The following NUCB1 variants were observed in gnomAD, a reference collection of about 807,000 sequenced individuals.
The protein encoded by NUCB1 is nucleobindin-1.
Under a neutral mutation model 61.2 loss-of-function variants are expected in NUCB1, and 47 were observed. The ratio of observed to expected loss-of-function variants is 0.77; its 90% CI spans 0.61 to 0.98. NUCB1 has a LOEUF of 0.98. Among genes scored for constraint, NUCB1 ranks in the 50% least tolerant of loss-of-function variants. NUCB1 has a pLI of 0.00. For missense variants in NUCB1, 583 were observed against 605.3 expected, an observed-to-expected ratio of 0.96 and a Z score of 0.39; for synonymous variants, 234 against 243.1, an observed-to-expected ratio of 0.96 and a Z score of 0.35.
intron 4 of NUCB1, among the ~76,000 whole-genome samples, chr19:48,909,538 C>T (rs924373192): frequency 2.0e-5 from 3 of 151,704 alleles, no homozygotes; most frequent in East Asian, 1.9e-4. Flanking sequence ...TGAGCCACCG[C>T]GCCCGGCCTA....
chr19:48,901,346 T>C (rs2037351549), intron 2 of NUCB1, among the ~76,000 whole-genome samples: 1 of 152,198 alleles, frequency 6.6e-6, no homozygotes, highest in South Asian at 2.1e-4. Context: ...TGCTTGTTTA[T>C]TAATTCCTAC....
At chr19:48,913,660 G>A in intron 7 of NUCB1, 96 bp downstream of exon 7, 1 of 998,230 alleles carries the variant, frequency 1.0e-6, no homozygotes, top group Non-Finnish European at 1.6e-6. Flanking sequence ...TCCCAGGAGG[G>A]CTTAGTCAGG....
At chr19:48,920,798 C>T (rs1163727008) in intron 10 of NUCB1, among the ~76,000 whole-genome samples, 1 of 152,104 alleles carries the variant, frequency 6.6e-6, no homozygotes, top group Non-Finnish European at 1.5e-5. Context: ...GCTGGGATTA[C>T]AGGTGTGAGC....
At chr19:48,913,586 A>G (rs1199275516) in intron 7 of NUCB1, 22 bp downstream of exon 7, 4 of 1,592,480 alleles carry the variant, frequency 2.5e-6, no homozygotes, top group Non-Finnish European at 3.4e-6. Flanking sequence ...AGGGAGTTCC[A>G]GAGCCAGGAT....
intron 12 of NUCB1, 97 bp downstream of exon 12, chr19:48,922,029 G>A: frequency 1.0e-6 from 1 of 977,256 alleles, no homozygotes; most frequent in Non-Finnish European, 1.5e-6. Flanking sequence ...TGAGGGAAGA[G>A]GGACTGGGGG....
At chr19:48,903,442 A>ATGGG (rs2037373902) in intron 2 of NUCB1, among the ~76,000 whole-genome samples, 1 of 64,412 alleles carries the variant, frequency 1.6e-5, no homozygotes, top group Non-Finnish European at 2.7e-5. Context: ...GAGTGGATGG[A>ATGGG]TGGATGGATG....
chr19:48,921,374 G>T, intron 11 of NUCB1, 50 bp downstream of exon 11: 1 of 1,545,066 alleles, frequency 6.5e-7, no homozygotes, highest in Non-Finnish European at 8.8e-7. Flanking sequence ...GGCTGCCCGT[G>T]TCCGTGTCCC....
In NUCB1 at chr19:48,904,447, A is replaced by T; in HGVS notation, c.236A>T (p.Asp79Val). The change falls in exon 3 of 13, where the codon GAC (aspartate) becomes GTC (valine). Residue 79 changes from aspartate (D) to valine (V), a missense_variant. By Grantham distance (152) the Asp-to-Val change is radical. Transcript: ENST00000405315. ...REKLQAANAE[D>V]IKSGKLSREL... ...AAGCTGCAGGCTGCCAATGCGGAGG[A>T]CATCAAGGTGCGGCTGGGGGAGTGG... The T allele has an allele frequency of 1.2e-6, 2 of 1,611,246 alleles. No homozygotes were observed. Among genetic ancestry groups the T allele is most frequent in the Non-Finnish European group, 1.7e-6 (2 of 1,178,346 alleles).
chr19:48,918,099 G>A (rs544025231), intron 7 of NUCB1, among the ~76,000 whole-genome samples: 1 of 152,266 alleles, frequency 6.6e-6, no homozygotes, highest in Admixed American at 6.5e-5. Flanking sequence ...AGAGGATGGA[G>A]CCGTCAAAGG....
intron 4 of NUCB1, among the ~76,000 whole-genome samples, chr19:48,909,213 T>G (rs1004271983): frequency 4.0e-5 from 6 of 151,412 alleles, no homozygotes; most frequent in African/African-American, 1.5e-4. Flanking sequence ...AAATTTCTCC[T>G]TCCATTATTA....
chr19:48,912,868 A>G (rs1206683082), intron 5 of NUCB1, 143 bp from the exon 6 acceptor site: 2 of 450,366 alleles, frequency 4.4e-6, no homozygotes, highest in Non-Finnish European at 3.8e-6. Flanking sequence ...AAAAAGGGAC[A>G]TTAGGACACG....
At chr19:48,914,191 G>A (rs946525559) in intron 7 of NUCB1, among the ~76,000 whole-genome samples, 4 of 152,000 alleles carry the variant, frequency 2.6e-5, no homozygotes, top group Admixed American at 6.6e-5. Flanking sequence ...GGCCAGGCTG[G>A]TCTCGAACTC....
intron 5 of NUCB1, among the ~76,000 whole-genome samples, chr19:48,912,667 T>C (rs2037487703): frequency 6.6e-6 from 1 of 151,548 alleles, no homozygotes; most frequent in Non-Finnish European, 1.5e-5. Flanking sequence ...GAAACCTCGT[T>C]TCTACTAAAA....
In NUCB1 at chr19:48,919,551, C is replaced by T. The variant is rs927807610; in HGVS notation, c.1002+265C>T. ...GCAGTGCAGTGGCACGATCTCGGCT[C>T]ACTGCAGCCTCCACCTCCCAGGTTC... On this transcript the variant is annotated intron_variant, in intron 10 of 12. Transcript: ENST00000405315. Among the ~76,000 whole-genome samples, 16 of 151,674 alleles carry T rather than the reference C, an allele frequency of 1.1e-4. 2 individuals carry two copies. Among genetic ancestry groups the T allele is most frequent in the Admixed American group, 9.9e-4 (15 of 15,180 alleles).
At chr19:48,908,760 G>GTGTGTGTC (rs1268438398) in intron 4 of NUCB1, among the ~76,000 whole-genome samples, 1 of 145,678 alleles carries the variant, frequency 6.9e-6, no homozygotes, top group Non-Finnish European at 1.5e-5. Context: ...GTGTGTGTGT[G>GTGTGTGTC]TGTCTTTCTC....
chr19:48,911,240 G>A lies in NUCB1; in HGVS notation c.468G>A (p.Leu156=), dbSNP rs1254720747. 6.2e-7 allele frequency: 1 copy of A among 1,613,152 alleles called. No homozygotes were observed. The highest frequency in any genetic ancestry group is 8.5e-7 in the Non-Finnish European group (1 of 1,179,384). ...CATTCGAGGCCCGCGACCTGGAGCT[G>A]CTGATCCAGACGGTAATGGGAGTGG... The part of the protein sequence containing the change: ...QHTFEARDLE[L]LIQTATRDLA... Residue 156 remains leucine, a synonymous_variant, in exon 5 of 13, where the codon CTG becomes CTA. Coordinates refer to ENST00000405315, the MANE Select transcript of NUCB1 (RefSeq NM_006184.6).
chr19:48,921,401 C>A, intron 11 of NUCB1, 77 bp downstream of exon 11: 1 of 1,475,736 alleles, frequency 6.8e-7, no homozygotes, highest in Non-Finnish European at 9.3e-7. Context: ...TGTCCAGAAG[C>A]TGGGAAGGCC....
intron 4 of NUCB1, among the ~76,000 whole-genome samples, chr19:48,909,636 C>T (rs976063667): frequency 1.9e-4 from 29 of 151,920 alleles, no homozygotes; most frequent in Non-Finnish European, 3.1e-4. Context: ...CCCCCTCCCA[C>T]GCTCAAGTGA....
intron 7 of NUCB1, among the ~76,000 whole-genome samples, chr19:48,914,771 C>T (rs2037520449): frequency 6.6e-6 from 1 of 151,360 alleles, no homozygotes; most frequent in South Asian, 2.1e-4. Flanking sequence ...CAAAGTGAGA[C>T]CCTGTCTCTA....
Sources: allele counts gnomAD v4.1 joint callset (sites outside exome capture counted in the v4.1 genomes callset), GRCh38; gene constraint gnomAD v4.1.1; transcripts MANE v1.5; gene names NCBI Gene and HGNC (gene_info 2026-07-23, HGNC 2026-07-21).